Variants in NEDD4 observed in about 807,000 individuals in gnomAD.
NEDD4 encodes the protein E3 ubiquitin-protein ligase NEDD4.
In NEDD4, 99 loss-of-function variants were observed where a neutral mutation model predicts 144.9. The observed-to-expected ratio is 0.68, with a 90% CI of 0.58 to 0.81. The LOEUF is 0.81. Ranked by LOEUF, NEDD4 falls within the 30% of genes least tolerant of loss-of-function variation. The probability of loss-of-function intolerance (pLI) is 0.00; values close to 1 mark genes in which losing one functional copy is unlikely to be tolerated. For missense variants in NEDD4, 985 were observed against 1,065.9 expected (o/e 0.92, Z 1.06); for synonymous variants, 318 against 350.6 (o/e 0.91, Z 1.04).
rs1272930430 is a variant in NEDD4, at chr15:55,829,512, A to G, written c.*385T>C. 6.4e-6 allele frequency: 1 copy of G among 157,186 alleles called. No homozygotes were observed. The highest frequency in any genetic ancestry group is 1.9e-4 in the East Asian group (1 of 5,336). The allele number at this position is 157,186 out of a possible 1,614,324, so 9.7% of individuals were successfully genotyped here. A position where few individuals can be genotyped will look rare whatever the true frequency, so the allele number is the denominator to read the frequency against. Reference sequence around the variant, plus strand: ...ACATGACACGTATCACAAATATTTCACAGTTATCATCTCAGTAGTTTAAGA... The same window carrying G: ...ACATGACACGTATCACAAATATTTCGCAGTTATCATCTCAGTAGTTTAAGA... On this transcript the variant is annotated 3_prime_UTR_variant, in exon 29 of 29. Coordinates refer to ENST00000435532, the MANE Select transcript of NEDD4 (RefSeq NM_006154.4).
At chr15:55,958,708 A>G (rs1051719574) in intron 2 of NEDD4, among the ~76,000 whole-genome samples, 1 of 152,148 alleles carries the variant, frequency 6.6e-6, no homozygotes, top group African/African-American at 2.4e-5. Context: ...ATAAACATCT[A>G]TTAAAGTTTT....
chr15:55,886,506 C>T (rs1184328120), intron 5 of NEDD4, among the ~76,000 whole-genome samples: 11 of 152,198 alleles, frequency 7.2e-5, no homozygotes, highest in African/African-American at 2.7e-4. Context: ...GTTGCTCACG[C>T]CTCTAATCCC....
chr15:55,902,472 C>T (rs1488186323), intron 5 of NEDD4, among the ~76,000 whole-genome samples: 13 of 151,860 alleles, frequency 8.6e-5, no homozygotes, highest in African/African-American at 2.4e-4. Flanking sequence ...TTTATGGGTA[C>T]AATATGTATT....
chr15:55,976,693 A>G (rs967194287), intron 1 of NEDD4, among the ~76,000 whole-genome samples: 1 of 147,548 alleles, frequency 6.8e-6, no homozygotes, highest in Non-Finnish European at 1.5e-5. Flanking sequence ...GCAGTGGTGC[A>G]ATCTCACTTC....
At chr15:55,854,703 C>T (rs187718887) in intron 12 of NEDD4, among the ~76,000 whole-genome samples, 90 of 151,808 alleles carry the variant, frequency 5.9e-4, no homozygotes, top group Non-Finnish European at 4.7e-4. Flanking sequence ...TATAAATTTA[C>T]AAAAACTCTT....
intron 8 of NEDD4, among the ~76,000 whole-genome samples, chr15:55,865,774 A>T (rs2034565682): frequency 6.6e-6 from 1 of 152,032 alleles, no homozygotes; most frequent in Non-Finnish European, 1.5e-5. Flanking sequence ...AAGAGTTGGG[A>T]AGGAAAGGAA....
chr15:55,874,189 T>C (rs2034909973), intron 5 of NEDD4, among the ~76,000 whole-genome samples, 181 bp from the exon 6 acceptor site: 3 of 152,056 alleles, frequency 2.0e-5, no homozygotes, highest in South Asian at 4.1e-4. Flanking sequence ...GAGTAGCATA[T>C]ATTAGATTAA....
At chr15:55,916,325 A>C in intron 5 of NEDD4, 2 of 1,614,028 alleles carry the variant, frequency 1.2e-6, no homozygotes, top group Middle Eastern at 1.6e-4. Flanking sequence ...CACATGACCC[A>C]AAATCACTAC....
intron 2 of NEDD4, among the ~76,000 whole-genome samples, chr15:55,962,498 C>A (rs2037442767): frequency 6.6e-6 from 1 of 152,206 alleles, no homozygotes; most frequent in Non-Finnish European, 1.5e-5. Context: ...GGCTGAAGTG[C>A]AGTGGCATAA....
At chr15:55,848,737 TAC>T in intron 15 of NEDD4, 67 bp downstream of exon 15, 1 of 1,406,014 alleles carries the variant, frequency 7.1e-7, no homozygotes, top group Non-Finnish European at 1.0e-6. Context: ...GATAAAGAAA[TAC>T]TATACCCGAA....
rs547892106 is a variant in NEDD4, at chr15:55,859,243, C to T, written c.960+1164G>A. ...ATTAGACAGCTAGCTATGAAGTTCT[C>T]ATCGTGGAAGCATATGCTGGGATAC... On this transcript the variant is annotated intron_variant, in intron 11 of 28. Transcript: ENST00000435532. Among the ~76,000 whole-genome samples, 3 of 152,168 alleles carry T rather than the reference C, an allele frequency of 2.0e-5. No homozygotes were observed. In the South Asian group the frequency reaches 6.2e-4, roughly 31 times the overall value.
intron 8 of NEDD4, among the ~76,000 whole-genome samples, chr15:55,863,922 T>C (rs1310868340): frequency 6.6e-6 from 1 of 152,210 alleles, no homozygotes; most frequent in African/African-American, 2.4e-5. Context: ...GAAAAGTCAT[T>C]CTCATTCCCT....
At position 55,966,556 on chromosome 15, in the gene NEDD4, A is replaced by T. The variant is rs1186762903; in HGVS notation, c.46-10T>A. The T allele has an allele frequency of 2.0e-6, 3 of 1,488,244 alleles. No individual in the cohort carries two copies. The South Asian group carries it at 4.1e-5, about 20-fold the overall frequency. The allele number at this position is 1,488,244 out of a possible 1,614,324, so 92.2% of individuals were successfully genotyped here. Reference sequence around the variant, plus strand: ...CAATTCGTGAATTTTCCTAAAATACAAAAATTTAGATTTCATTTTCATGTA... The same window carrying T: ...CAATTCGTGAATTTTCCTAAAATACTAAAATTTAGATTTCATTTTCATGTA... On this transcript the variant is annotated splice_polypyrimidine_tract_variant and intron_variant, in intron 1 of 28. Coordinates refer to ENST00000435532, the MANE Select transcript of NEDD4 (RefSeq NM_006154.4).
At chr15:55,920,382 C>T (rs1488256036) in intron 5 of NEDD4, among the ~76,000 whole-genome samples, 1 of 152,046 alleles carries the variant, frequency 6.6e-6, no homozygotes, top group Non-Finnish European at 1.5e-5. Flanking sequence ...TGAATGTGTA[C>T]AGGTGTATAT....
intron 5 of NEDD4, among the ~76,000 whole-genome samples, chr15:55,914,127 T>C (rs1400176011): frequency 1.3e-5 from 2 of 151,816 alleles, no homozygotes; most frequent in African/African-American, 4.8e-5. Flanking sequence ...AATTATTATA[T>C]TTACCAGATT....
chr15:55,886,647 A>T (rs1405274106), intron 5 of NEDD4, among the ~76,000 whole-genome samples: 1 of 151,658 alleles, frequency 6.6e-6, no homozygotes, highest in African/African-American at 2.4e-5. Context: ...AGTCCCAGCT[A>T]CTCGGGAGGC....
At chr15:55,990,181 A>C (rs2037966046) in intron 1 of NEDD4, among the ~76,000 whole-genome samples, 1 of 151,924 alleles carries the variant, frequency 6.6e-6, no homozygotes, top group Non-Finnish European at 1.5e-5. Flanking sequence ...TACATATCAC[A>C]ATGTAATCAT....
At chr15:55,878,225 A>G (rs547531131) in intron 5 of NEDD4, among the ~76,000 whole-genome samples, 1 of 141,240 alleles carries the variant, frequency 7.1e-6, no homozygotes, top group Non-Finnish European at 1.7e-5. Context: ...ATTAGATTTC[A>G]TGATGATGAG....
At position 55,874,009 on chromosome 15, in the gene NEDD4, CTA is replaced by C; in HGVS notation, c.292-3_292-2del. 1 of 1,508,074 alleles carries C rather than the reference CTA, an allele frequency of 6.6e-7. No individual in the cohort carries two copies. Among genetic ancestry groups the C allele is most frequent in the Non-Finnish European group, 9.0e-7 (1 of 1,110,174 alleles). The allele number at this position is 1,508,074 out of a possible 1,614,324, so 93.4% of individuals were successfully genotyped here. On this transcript the variant is annotated splice_acceptor_variant and splice_polypyrimidine_tract_variant and intron_variant, in intron 5 of 28. Coordinates refer to ENST00000435532, the MANE Select transcript of NEDD4 (RefSeq NM_006154.4). LOFTEE classifies it high-confidence loss of function. ...CTTGACCTAGGAAATCATCTCTTGT[CTA>C]TAAGAGAAGGAAGAAAAAATATAAT... is the stretch of plus-strand genomic sequence containing the variant.
Sources: allele counts gnomAD v4.1 joint callset (sites outside exome capture counted in the v4.1 genomes callset), GRCh38; gene constraint gnomAD v4.1.1; transcripts MANE v1.5; gene names NCBI Gene and HGNC (gene_info 2026-07-23, HGNC 2026-07-21).